The following FSTL5 variants were observed in gnomAD, a reference collection of about 807,000 sequenced individuals.
FSTL5 encodes follistatin-related protein 5.
Under a neutral mutation model 89.1 loss-of-function variants are expected in FSTL5, and 62 were observed. The observed-to-expected ratio is 0.70, with a 90% CI of 0.57 to 0.86. The LOEUF is 0.86. Ranked by LOEUF, FSTL5 falls within the 40% of genes least tolerant of loss-of-function variation. The pLI is 0.00. For synonymous variants in FSTL5, 383 were observed against 346.2 expected (o/e 1.11, Z -1.18); for missense variants, 1,057 against 1,001.6 (o/e 1.06, Z -0.75).
chr4:161,457,781 A>G (rs1384995596), intron 14 of FSTL5, among the ~76,000 whole-genome samples: 4 of 152,194 alleles, frequency 2.6e-5, no homozygotes, highest in Non-Finnish European at 4.4e-5. Context: ...TGCAAAGAGT[A>G]TACTTAAATA....
chr4:161,614,506 C>T (rs1293340768), intron 7 of FSTL5, among the ~76,000 whole-genome samples: 3 of 151,988 alleles, frequency 2.0e-5, no homozygotes, highest in African/African-American at 7.2e-5. Context: ...GCAAGGATTC[C>T]GAAATCAGAA....
At chr4:161,523,842 A>C (rs1284416097) in intron 10 of FSTL5, among the ~76,000 whole-genome samples, 1 of 152,220 alleles carries the variant, frequency 6.6e-6, no homozygotes, top group African/African-American at 2.4e-5. Context: ...TCCAGCATAA[A>C]AATGCTTATT....
At chr4:161,550,592 TATTATTA>T (rs1732171750) in intron 8 of FSTL5, among the ~76,000 whole-genome samples, 2 of 147,286 alleles carry the variant, frequency 1.4e-5, no homozygotes, top group Non-Finnish European at 3.0e-5. Context: ...TTTATTTATT[TATTATTA>T]TACTTTAAGT....
At chr4:161,635,526 T>A (rs940921513) in intron 7 of FSTL5, among the ~76,000 whole-genome samples, 2 of 151,296 alleles carry the variant, frequency 1.3e-5, no homozygotes, top group Non-Finnish European at 2.9e-5. Context: ...AAATCTAACA[T>A]CATATAATAC....
intron 11 of FSTL5, among the ~76,000 whole-genome samples, chr4:161,503,247 C>CTTA (rs201248706): frequency 0.017 from 2,597 of 151,636 alleles, 68 homozygotes; most frequent in African/African-American, 0.059. Flanking sequence ...GAAATGGTAA[C>CTTA]CTATTTATTT....
At chr4:161,596,201 T>A (rs1470109796) in intron 7 of FSTL5, among the ~76,000 whole-genome samples, 4 of 151,856 alleles carry the variant, frequency 2.6e-5, no homozygotes, top group Non-Finnish European at 5.9e-5. Context: ...TAATACAGAA[T>A]CAGTAAATAA....
intron 4 of FSTL5, among the ~76,000 whole-genome samples, chr4:161,909,111 G>C (rs559023651): frequency 6.6e-6 from 1 of 152,216 alleles, no homozygotes; most frequent in East Asian, 1.9e-4. Flanking sequence ...CAGATGTAAA[G>C]TGAATGCCAG....
chr4:161,856,602 G>A (rs1318593640), intron 4 of FSTL5, among the ~76,000 whole-genome samples: 2 of 151,408 alleles, frequency 1.3e-5, no homozygotes, highest in African/African-American at 4.8e-5. Flanking sequence ...TTTTAACAGA[G>A]AAGAAAATGT....
intron 4 of FSTL5, among the ~76,000 whole-genome samples, chr4:161,869,626 A>C (rs1168398155): frequency 6.6e-6 from 1 of 152,156 alleles, no homozygotes; most frequent in Non-Finnish European, 1.5e-5. Context: ...ACTGGCATCT[A>C]ATAGGTAGAG....
At chr4:161,960,003 C>T (rs1204284771) in intron 3 of FSTL5, among the ~76,000 whole-genome samples, 2 of 151,776 alleles carry the variant, frequency 1.3e-5, no homozygotes, top group South Asian at 2.1e-4. Context: ...AACACCAATT[C>T]GAGCAAAATA....
At chr4:161,847,049 T>C (rs1731390346) in intron 4 of FSTL5, among the ~76,000 whole-genome samples, 1 of 152,152 alleles carries the variant, frequency 6.6e-6, no homozygotes. Context: ...TATTATAGAA[T>C]TGTCTCCTTA....
At chr4:161,722,954 C>A (rs1333705908) in intron 6 of FSTL5, among the ~76,000 whole-genome samples, 1 of 151,954 alleles carries the variant, frequency 6.6e-6, no homozygotes, top group Non-Finnish European at 1.5e-5. Flanking sequence ...ATAATGTCAC[C>A]CTTACATTTA....
intron 2 of FSTL5, among the ~76,000 whole-genome samples, chr4:162,049,662 A>G (rs1301359527): frequency 2.0e-5 from 3 of 152,110 alleles, no homozygotes; most frequent in Non-Finnish European, 4.4e-5. Flanking sequence ...CCATGCCGCT[A>G]AAAAGGAAGA....
At chr4:162,091,952 A>C (rs1730566079) in intron 2 of FSTL5, among the ~76,000 whole-genome samples, 1 of 102,844 alleles carries the variant, frequency 9.7e-6, no homozygotes, top group South Asian at 3.2e-4. Flanking sequence ...ATGTATATCT[A>C]TATGTAGATT....
Position 161,572,319 on chromosome 4 carries a change from A to C in FSTL5, c.1015+15136T>G, listed in dbSNP as rs1003047281. Among the ~76,000 whole-genome samples the C allele has an allele frequency of 1.4e-3, 38 of 26,528 alleles. 1 individual carries two copies. Among genetic ancestry groups the C allele is most frequent in the African/African-American group, 6.2e-3 (37 of 6,002 alleles). The allele number at this position is 26,528 out of a possible 152,430, so 17.4% of individuals were successfully genotyped here. On this transcript the variant is annotated intron_variant, in intron 8 of 15. Transcript: ENST00000306100. ...TGGGTGATAGAGTGAGACTCCGTCT[A>C]AAAAAAAAAAAAAAAAAAAAAAAAA...
chr4:161,430,664 C>G (rs746871456), intron 15 of FSTL5, among the ~76,000 whole-genome samples: 1 of 152,088 alleles, frequency 6.6e-6, no homozygotes, highest in Non-Finnish European at 1.5e-5. Flanking sequence ...GGTGTGAACC[C>G]GGGAGGCGGA....
chr4:161,717,366 A>G lies in FSTL5; in HGVS notation c.727+42045T>C, dbSNP rs187311727. ...ATTAGGTGAAACTATAGCTGGTTTC[A>G]GTGTCAGTAGCAAGTCTATGTTAAT... is the stretch of plus-strand genomic sequence containing the variant. On this transcript the variant is annotated intron_variant, in intron 6 of 15. Coordinates refer to ENST00000306100, the MANE Select transcript of FSTL5 (RefSeq NM_020116.5). Among the ~76,000 whole-genome samples, 546 of 152,324 alleles carry G rather than the reference A, an allele frequency of 3.6e-3. 4 individuals carry two copies. Among genetic ancestry groups the G allele is most frequent in the African/African-American group, 0.012 (498 of 41,578 alleles).
At chr4:161,778,648 C>T (rs1741509466) in intron 4 of FSTL5, among the ~76,000 whole-genome samples, 1 of 152,166 alleles carries the variant, frequency 6.6e-6, no homozygotes, top group African/African-American at 2.4e-5. Flanking sequence ...AAAATGTAAA[C>T]TTTGTGCTGC....
intron 7 of FSTL5, among the ~76,000 whole-genome samples, chr4:161,602,027 A>G (rs13104842): frequency 0.17 from 26,278 of 152,002 alleles, 2,368 homozygotes; most frequent in Middle Eastern, 0.32. Context: ...ATTAGAAAGT[A>G]GATTTAAAAT....
Sources: allele counts gnomAD v4.1 joint callset (sites outside exome capture counted in the v4.1 genomes callset), GRCh38; gene constraint gnomAD v4.1.1; transcripts MANE v1.5; gene names NCBI Gene and HGNC (gene_info 2026-07-23, HGNC 2026-07-21).